Variants in SHISA5 observed in about 807,000 individuals in gnomAD.
The protein encoded by SHISA5 is protein shisa-5.
A neutral mutation model predicts 27.5 loss-of-function variants in SHISA5; 21 were observed. The ratio of observed to expected loss-of-function variants is 0.76; its 90% confidence interval spans 0.54 to 1.10. The LOEUF is 1.10. SHISA5 is among the 50% of genes least tolerant of loss of function. The probability of loss-of-function intolerance (pLI) is 0.00; values close to 1 mark genes in which losing one functional copy is unlikely to be tolerated. For synonymous variants in SHISA5, 137 were observed against 142.2 expected, an observed-to-expected ratio of 0.96 and a Z score of 0.26; for missense variants, 314 against 336.3, an observed-to-expected ratio of 0.93 and a Z score of 0.52.
Position 48,473,699 on chromosome 3 carries a change from G to C in SHISA5, c.315-3856C>G. On this transcript the variant is annotated intron_variant, in intron 3 of 5. Transcript: ENST00000296444. The surrounding 1 kb of genome is among the most constrained non-coding windows in gnomAD (Gnocchi z 4.3). ...AGCTCTTGCGATTACAAAGGAATTT[G>C]CTTTATAATTACATGTTAAACTGAG... 1 of 704,200 alleles carries C rather than the reference G, an allele frequency of 1.4e-6. No individual in the cohort carries two copies. Among genetic ancestry groups the C allele is most frequent in the Non-Finnish European group, 1.7e-6 (1 of 573,540 alleles). 43.6% of individuals were successfully genotyped at this position (704,200 alleles called of 1,614,324 possible).
At position 48,468,405 on chromosome 3, in the gene SHISA5, T is replaced by C. The variant is rs2040437784; in HGVS notation, c.*702A>G. The C allele has an allele frequency of 9.0e-7, 1 of 1,111,126 alleles. No homozygotes were observed. Among genetic ancestry groups the C allele is most frequent in the African/African-American group, 1.6e-5 (1 of 61,102 alleles). 68.8% of individuals were successfully genotyped at this position (1,111,126 alleles called of 1,614,324 possible). A position where few individuals can be genotyped will look rare whatever the true frequency, so the allele number is the denominator to read the frequency against. ...TGTGTGCATGTGGCCCTCCAGCTGG[T>C]CCCAGGGGAGATGCGGGGACAGGGG... On this transcript the variant is annotated 3_prime_UTR_variant, in exon 6 of 6. Coordinates refer to ENST00000296444, the MANE Select transcript of SHISA5 (RefSeq NM_016479.6).
chr3:48,495,058 C>T (rs2041508098), intron 2 of SHISA5, among the ~76,000 whole-genome samples: 1 of 145,962 alleles, frequency 6.9e-6, no homozygotes, highest in South Asian at 2.1e-4. Flanking sequence ...CCTCCTACCT[C>T]AGCCTCCCAA....
Position 48,468,690 on chromosome 3 carries a change from G to C in SHISA5, c.*417C>G. The C allele has an allele frequency of 8.0e-7, 1 of 1,255,286 alleles. No homozygotes were observed. The highest frequency in any genetic ancestry group is 1.0e-6 in the Non-Finnish European group (1 of 975,894). 77.8% of individuals were successfully genotyped at this position (1,255,286 alleles called of 1,614,324 possible). On this transcript the variant is annotated 3_prime_UTR_variant, in exon 6 of 6. Coordinates refer to ENST00000296444, the MANE Select transcript of SHISA5 (RefSeq NM_016479.6). Reference sequence around the variant, plus strand: ...ACGCTGCCGAAACCAGGACACATCTGCATCACACAGAAAGCTGCGCCACCC... The same window carrying C: ...ACGCTGCCGAAACCAGGACACATCTCCATCACACAGAAAGCTGCGCCACCC...
chr3:48,499,987 C>G (rs1012795164), intron 2 of SHISA5, among the ~76,000 whole-genome samples: 1 of 151,172 alleles, frequency 6.6e-6, no homozygotes, highest in Non-Finnish European at 1.5e-5. Flanking sequence ...CTCCCAAGAG[C>G]ACCTGGAAGT....
chr3:48,473,000 C>A, intron 3 of SHISA5: 2 of 1,535,938 alleles, frequency 1.3e-6, no homozygotes, highest in Non-Finnish European at 1.7e-6. Flanking sequence ...AGCATGGCGC[C>A]CAAGCTCACC....
At chr3:48,501,619 C>T (rs1443917228) in intron 1 of SHISA5, among the ~76,000 whole-genome samples, 1 of 152,200 alleles carries the variant, frequency 6.6e-6, no homozygotes, top group Non-Finnish European at 1.5e-5. Context: ...ATTCCCACTG[C>T]TTCAGGATCA....
At position 48,494,571 on chromosome 3, in the gene SHISA5, G is replaced by A. The variant is rs944843472; in HGVS notation, c.233+6566C>T. On this transcript the variant is annotated intron_variant, in intron 2 of 5. Coordinates refer to ENST00000296444, the MANE Select transcript of SHISA5 (RefSeq NM_016479.6). ...GGCCTCCCAAAGTGCTGGGATTACA[G>A]GCGTGAGCCACTGCACCCAGCCAAT... is the stretch of plus-strand genomic sequence containing the variant. Among the ~76,000 whole-genome samples the A allele has an allele frequency of 3.3e-4, 49 of 147,778 alleles. 2 individuals are homozygous for A. The highest frequency in any genetic ancestry group is 5.4e-4 in the Non-Finnish European group (37 of 67,904).
intron 3 of SHISA5, among the ~76,000 whole-genome samples, chr3:48,478,196 T>G (rs1356714365): frequency 1.3e-5 from 2 of 152,142 alleles, no homozygotes; most frequent in African/African-American, 4.8e-5. Context: ...GGGGAAGGCC[T>G]GTAGAGATCT....
Position 48,473,136 on chromosome 3 carries a change from A to C in SHISA5, c.315-3293T>G. On this transcript the variant is annotated intron_variant, in intron 3 of 5. Coordinates refer to ENST00000296444, the MANE Select transcript of SHISA5 (RefSeq NM_016479.6). The surrounding 1 kb of genome is among the most constrained non-coding windows in gnomAD (Gnocchi z 4.3). ...GAAAAAGAAAGCAAATCTCCTCCAG[A>C]TGACGTCAGCCACAGGAAGCACAGA... The C allele has an allele frequency of 5.5e-6, 8 of 1,463,782 alleles. No individual in the cohort carries two copies. The highest frequency in any genetic ancestry group is 7.2e-6 in the Non-Finnish European group (8 of 1,110,954). The allele number at this position is 1,463,782 out of a possible 1,614,324, so 90.7% of individuals were successfully genotyped here. A position where few individuals can be genotyped will look rare whatever the true frequency, so the allele number is the denominator to read the frequency against.
At position 48,468,884 on chromosome 3, in the gene SHISA5, A is replaced by C. The variant is rs1482255113; in HGVS notation, c.*223T>G. 1.3e-6 allele frequency: 2 copies of C among 1,532,646 alleles called. No homozygotes were observed. The highest frequency in any genetic ancestry group is 2.5e-5 in the East Asian group (1 of 40,634). The allele number at this position is 1,532,646 out of a possible 1,614,324, so 94.9% of individuals were successfully genotyped here. On this transcript the variant is annotated 3_prime_UTR_variant, in exon 6 of 6. Coordinates refer to ENST00000296444, the MANE Select transcript of SHISA5 (RefSeq NM_016479.6). Reference sequence around the variant, plus strand: ...GGAAGCATAATTTCAGGTGAGGAAGAGAACAAAGTCTGGTCCCAGCCCACT... The same window carrying C: ...GGAAGCATAATTTCAGGTGAGGAAGCGAACAAAGTCTGGTCCCAGCCCACT...
intron 2 of SHISA5, 134 bp downstream of exon 2, chr3:48,501,001 ACC>A (rs1459100883): frequency 9.8e-7 from 1 of 1,015,580 alleles, no homozygotes; most frequent in Non-Finnish European, 1.4e-6. Context: ...GGATCCCTAA[ACC>A]CTCTGCTCCA....
At chr3:48,483,847 G>A (rs1034275989) in intron 2 of SHISA5, among the ~76,000 whole-genome samples, 22 of 151,850 alleles carry the variant, frequency 1.4e-4, no homozygotes, top group African/African-American at 3.4e-4. Context: ...CGGACAGGGC[G>A]GCTGGCCGGG....
rs1228063052 is a variant in SHISA5 at position 48,472,905 on chromosome 3, T to G, written c.315-3062A>C. ...CAGGAATGGAGAAACGCACACACAT[T>G]CACACGCCATCAATGACATGCGACC... On this transcript the variant is annotated intron_variant, in intron 3 of 5. Coordinates refer to ENST00000296444, the MANE Select transcript of SHISA5 (RefSeq NM_016479.6). 3 of 1,162,964 alleles carry G rather than the reference T, an allele frequency of 2.6e-6. No individual in the cohort carries two copies. In the East Asian group the frequency reaches 7.7e-5, roughly 30 times the overall value. 72.0% of individuals were successfully genotyped at this position (1,162,964 alleles called of 1,614,324 possible). A position where few individuals can be genotyped will look rare whatever the true frequency, so the allele number is the denominator to read the frequency against.
chr3:48,473,098 C>T lies in SHISA5; in HGVS notation c.315-3255G>A. 6.7e-7 allele frequency: 1 copy of T among 1,492,840 alleles called. No individual in the cohort carries two copies. The highest frequency in any genetic ancestry group is 1.4e-5 in the African/African-American group (1 of 71,046). 92.5% of individuals were successfully genotyped at this position (1,492,840 alleles called of 1,614,324 possible). A position where few individuals can be genotyped will look rare whatever the true frequency, so the allele number is the denominator to read the frequency against. ...TCGTGGGCCACTCAGTTTCAATTTCCTCCCCTTTTGGAGAAAAAGAAAGCA... is the reference window on the plus strand; with the variant it reads ...TCGTGGGCCACTCAGTTTCAATTTCTTCCCCTTTTGGAGAAAAAGAAAGCA... On this transcript the variant is annotated intron_variant, in intron 3 of 5. Transcript: ENST00000296444. This position sits in a 1 kb window ranked among gnomAD's most constrained non-coding sequence, Gnocchi z 4.3.
chr3:48,497,262 G>GTTTTTTT (rs771239815), intron 2 of SHISA5, among the ~76,000 whole-genome samples: 1 of 116,584 alleles, frequency 8.6e-6, no homozygotes, highest in African/African-American at 3.5e-5. Context: ...TCCAGAACAA[G>GTTTTTTT]TTTTTTTTTT....
intron 2 of SHISA5, among the ~76,000 whole-genome samples, chr3:48,497,844 T>C (rs1418996826): frequency 6.6e-6 from 1 of 150,626 alleles, no homozygotes; most frequent in African/African-American, 2.5e-5. Context: ...AGCCAGTGAC[T>C]GCACCACTGC....
chr3:48,481,073 C>T (rs368920146), intron 2 of SHISA5, among the ~76,000 whole-genome samples: 5 of 151,700 alleles, frequency 3.3e-5, no homozygotes, highest in South Asian at 4.2e-4. Context: ...CCAGCCTGGG[C>T]GACAAGAGCG....
chr3:48,494,299 CTTTTTT>C (rs1328472129), intron 2 of SHISA5, among the ~76,000 whole-genome samples: 4 of 129,740 alleles, frequency 3.1e-5, no homozygotes, highest in African/African-American at 1.3e-4. Context: ...TCTGGATTTC[CTTTTTT>C]TTTTTTTTTT....
chr3:48,473,673 T>TA lies in SHISA5; in HGVS notation c.315-3831dup. The TA allele has an allele frequency of 9.3e-7, 1 of 1,080,528 alleles. No homozygotes were observed. The highest frequency in any genetic ancestry group is 1.2e-6 in the Non-Finnish European group (1 of 849,552). The allele number at this position is 1,080,528 out of a possible 1,614,324, so 66.9% of individuals were successfully genotyped here. A position where few individuals can be genotyped will look rare whatever the true frequency, so the allele number is the denominator to read the frequency against. On this transcript the variant is annotated intron_variant, in intron 3 of 5. Transcript: ENST00000296444. This position sits in a 1 kb window ranked among gnomAD's most constrained non-coding sequence, Gnocchi z 4.3. ...GCTCAAACGCCAGCTATGGCTCCTG[T>TA]AGCTCTTGCGATTACAAAGGAATTT...
Sources: allele counts gnomAD v4.1 joint callset (sites outside exome capture counted in the v4.1 genomes callset), GRCh38; gene constraint gnomAD v4.1.1; non-coding constraint Gnocchi (gnomAD v3.1); transcripts MANE v1.5; gene names NCBI Gene and HGNC (gene_info 2026-07-23, HGNC 2026-07-21).